CEP89: variants seen among roughly 807,000 people sequenced by gnomAD.
The protein encoded by CEP89 is centrosomal protein of 89 kDa.
A neutral mutation model predicts 97.6 loss-of-function variants in CEP89; 95 were observed. The observed-to-expected ratio is 0.97, with a 90% CI of 0.82 to 1.15. The LOEUF is 1.15. Ranked by LOEUF, CEP89 falls within the 50% of genes most tolerant of loss-of-function variation. CEP89 has a pLI of 0.00. For synonymous variants in CEP89, 354 were observed against 349.1 expected (o/e 1.01, Z -0.16); for missense variants, 869 against 947.7 (o/e 0.92, Z 1.09).
Position 32,933,639 on chromosome 19 carries a change from G to A in CEP89, c.698C>T (p.Thr233Ile). 6.2e-7 allele frequency: 1 copy of A among 1,611,814 alleles called. No homozygotes were observed. ...CTCAAACTTTTCTCTGGTTATTTCT[G>A]TATATCTTTGACGTGCTCTACCAGT... ...DITGRARQRY[T>I]EITREKFEAL... is the part of the protein sequence containing the mutation. The change falls in exon 8 of 19, where the codon ACA becomes ATA. Residue 233 changes from threonine to isoleucine, a missense_variant. Transcript: ENST00000305768.
At chr19:32,952,804 T>TGAG (rs1209608053) in intron 4 of CEP89, among the ~76,000 whole-genome samples, 9 of 145,204 alleles carry the variant, frequency 6.2e-5, no homozygotes, top group Non-Finnish European at 1.0e-4. Flanking sequence ...CTTGGGAGGC[T>TGAG]GAGGTGGGAG....
In CEP89 at chr19:32,960,219, T is replaced by A. The variant is rs1374136417; in HGVS notation, c.147-161A>T. On this transcript the variant is annotated intron_variant, in intron 2 of 18. Transcript: ENST00000305768. The stretch of plus-strand genomic sequence containing the variant: ...TACCGCAGGCCATCAGACAATCTCA[T>A]TTGATTCTCACACAACTGTATGACT... 3.3e-5 allele frequency among the ~76,000 whole-genome samples: 5 copies of A among 152,322 alleles called. No individual in the cohort carries two copies. The East Asian group carries it at 9.7e-4, about 29-fold the overall frequency.
intron 5 of CEP89, among the ~76,000 whole-genome samples, chr19:32,941,377 C>T (rs1351366979): frequency 6.6e-6 from 1 of 152,000 alleles, no homozygotes; most frequent in Non-Finnish European, 1.5e-5. Context: ...GTGGCACTTG[C>T]CTGTAATCCC....
intron 1 of CEP89, chr19:32,971,194 G>A (rs1971397991): frequency 3.7e-6 from 1 of 272,794 alleles, no homozygotes; most frequent in Non-Finnish European, 6.8e-6. Context: ...GCTGGCAGAT[G>A]TATGTAGTGG....
intron 5 of CEP89, among the ~76,000 whole-genome samples, chr19:32,942,492 A>G (rs1268897310): frequency 2.0e-5 from 3 of 152,234 alleles, no homozygotes; most frequent in Non-Finnish European, 4.4e-5. Flanking sequence ...AATGATCACA[A>G]TAAAAAGTTT....
At chr19:32,945,803 T>C (rs2145947617) in intron 5 of CEP89, among the ~76,000 whole-genome samples, 1 of 152,292 alleles carries the variant, frequency 6.6e-6, no homozygotes, top group Middle Eastern at 3.4e-3. Flanking sequence ...GCGCAGATCC[T>C]TTCTTTAATT....
At chr19:32,896,913 A>C (rs1969655694) in intron 16 of CEP89, among the ~76,000 whole-genome samples, 1 of 152,144 alleles carries the variant, frequency 6.6e-6, no homozygotes, top group East Asian at 1.9e-4. Flanking sequence ...CAGGCATATG[A>C]AAAAAATGCT....
At chr19:32,918,827 C>A (rs1377587958) in intron 12 of CEP89, among the ~76,000 whole-genome samples, 1 of 151,814 alleles carries the variant, frequency 6.6e-6, no homozygotes, top group Non-Finnish European at 1.5e-5. Context: ...ACAAAAAAAA[C>A]TGACTCTGTT....
intron 14 of CEP89, among the ~76,000 whole-genome samples, chr19:32,913,309 TTTTG>T (rs1265423442): frequency 0.075 from 2,573 of 34,484 alleles, 26 homozygotes; most frequent in African/African-American, 0.086. Flanking sequence ...ATATATATTT[TTTTG>T]TTGTTGTTGT....
chr19:32,879,925 G>A (rs1001377107), intron 18 of CEP89, among the ~76,000 whole-genome samples: 8 of 152,332 alleles, frequency 5.3e-5, no homozygotes, highest in African/African-American at 1.7e-4. Context: ...GGGGTGAGGT[G>A]GGGGACCTGA....
At chr19:32,960,820 A>T (rs1243819074) in intron 2 of CEP89, among the ~76,000 whole-genome samples, 1 of 151,680 alleles carries the variant, frequency 6.6e-6, no homozygotes, top group East Asian at 1.9e-4. Flanking sequence ...AAAAAAAAAA[A>T]TAGTAAAACA....
At chr19:32,900,465 T>C (rs1402422539) in intron 15 of CEP89, among the ~76,000 whole-genome samples, 1 of 152,092 alleles carries the variant, frequency 6.6e-6, no homozygotes, top group East Asian at 1.9e-4. Context: ...GGCTTCTCTA[T>C]GTTGGCCAGG....
At chr19:32,918,840 C>T (rs1187340420) in intron 12 of CEP89, among the ~76,000 whole-genome samples, 1 of 151,476 alleles carries the variant, frequency 6.6e-6, no homozygotes, top group Non-Finnish European at 1.5e-5. Context: ...ACTCTGTTAG[C>T]AGGCTTTGAA....
intron 3 of CEP89, among the ~76,000 whole-genome samples, chr19:32,956,148 C>T (rs1299108651): frequency 2.0e-5 from 3 of 150,526 alleles, no homozygotes; most frequent in African/African-American, 7.3e-5. Context: ...CTCCACCTCC[C>T]GGGTTCACGC....
rs771352099 is a variant in CEP89 at position 32,881,349 on chromosome 19, C to T, written c.2135+495G>A. Among the ~76,000 whole-genome samples the T allele has an allele frequency of 8.2e-4, 124 of 150,766 alleles. 1 individual carries two copies. The highest frequency in any genetic ancestry group is 3.2e-4 in the Non-Finnish European group (22 of 67,782). On this transcript the variant is annotated intron_variant, in intron 18 of 18. Transcript: ENST00000305768. ...AATAGAAATAACAGAAATAAAATAC[C>T]TAATCAAAAATTAATAAAATCTCTC...
chr19:32,963,592 T>A (rs1020058860), intron 2 of CEP89: 6 of 152,102 alleles, frequency 3.9e-5, no homozygotes, highest in African/African-American at 9.7e-5. Context: ...TGAGCACACC[T>A]ATGGAGTGTG....
At chr19:32,933,413 G>A (rs780069695) in intron 8 of CEP89, 38 bp downstream of exon 8, 2 of 1,362,070 alleles carry the variant, frequency 1.5e-6, no homozygotes, top group Admixed American at 1.8e-5. Context: ...GTGAAGTCCT[G>A]CTCATTCCTC....
intron 2 of CEP89, among the ~76,000 whole-genome samples, chr19:32,960,734 C>T (rs1020827399): frequency 5.9e-5 from 9 of 151,360 alleles, no homozygotes; most frequent in Non-Finnish European, 1.3e-4. Context: ...CGGTTGAACC[C>T]GGGAGGTGGA....
At chr19:32,899,836 T>C in intron 16 of CEP89, 21 bp downstream of exon 16, 2 of 1,601,340 alleles carry the variant, frequency 1.2e-6, no homozygotes, top group Admixed American at 3.4e-5. Flanking sequence ...GTTTACTTGA[T>C]GTAACCTTCA....
Sources: allele counts gnomAD v4.1 joint callset (sites outside exome capture counted in the v4.1 genomes callset), GRCh38; gene constraint gnomAD v4.1.1; transcripts MANE v1.5; gene names NCBI Gene and HGNC (gene_info 2026-07-23, HGNC 2026-07-21).